Variants in ATF6 observed in about 807,000 individuals in gnomAD.
ATF6 encodes cyclic AMP-dependent transcription factor ATF-6 alpha.
A neutral mutation model predicts 83.6 loss-of-function variants in ATF6; 53 were observed. The observed-to-expected ratio is 0.63, with a 90% CI of 0.51 to 0.80. ATF6 has a LOEUF of 0.80. ATF6 is among the 30% of genes least tolerant of loss of function. The probability of loss-of-function intolerance (pLI) is 0.00; values close to 1 mark genes in which losing one functional copy is unlikely to be tolerated. For synonymous variants in ATF6, 288 were observed against 285.8 expected (o/e 1.01, Z -0.08); for missense variants, 744 against 797.9 (o/e 0.93, Z 0.81).
intron 6 of ATF6, among the ~76,000 whole-genome samples, chr1:161,797,023 T>G (rs1339894411): frequency 3.3e-5 from 5 of 152,214 alleles, no homozygotes; most frequent in Admixed American, 2.6e-4. Flanking sequence ...ATATGCTATT[T>G]ACTTTATGTG....
chr1:161,847,759 A>G (rs1571185772), intron 10 of ATF6, among the ~76,000 whole-genome samples: 2 of 152,288 alleles, frequency 1.3e-5, no homozygotes, highest in East Asian at 3.9e-4. Flanking sequence ...ATCAAAAATT[A>G]AATTTAAATC....
intron 3 of ATF6, among the ~76,000 whole-genome samples, chr1:161,783,274 G>A (rs1246603288): frequency 2.0e-5 from 3 of 152,018 alleles, no homozygotes; most frequent in Non-Finnish European, 2.9e-5. Flanking sequence ...AGGGGAAATC[G>A]ACTCTACTTC....
Position 161,770,233 on chromosome 1 carries a change from A to G in ATF6, c.82+3791A>G, listed in dbSNP as rs981923240. 1.4e-4 allele frequency among the ~76,000 whole-genome samples: 22 copies of G among 152,130 alleles called. 1 individual carries two copies. Among genetic ancestry groups the G allele is most frequent in the Admixed American group, 1.3e-3 (20 of 15,270 alleles). On this transcript the variant is annotated intron_variant, in intron 1 of 15. Transcript: ENST00000367942. ...AGCAATATGCACTTAAGGTCCCTCC[A>G]TGTCTTTTCATGGCTTGATAGCTCA...
chr1:161,813,531 A>G (rs184151702), intron 7 of ATF6, among the ~76,000 whole-genome samples: 4 of 152,288 alleles, frequency 2.6e-5, no homozygotes, highest in Non-Finnish European at 5.9e-5. Flanking sequence ...CTTATACTCA[A>G]TCTCATGAAA....
At chr1:161,885,896 G>T (rs1255544184) in intron 14 of ATF6, among the ~76,000 whole-genome samples, 1 of 152,176 alleles carries the variant, frequency 6.6e-6, no homozygotes. Context: ...AGAATACTGA[G>T]ATTATAAATA....
intron 13 of ATF6, 132 bp downstream of exon 13, chr1:161,860,409 GATAT>G: frequency 1.2e-5 from 3 of 260,282 alleles, no homozygotes; most frequent in East Asian, 7.3e-5. Flanking sequence ...TATACTCTAA[GATAT>G]ATATATATAT....
intron 15 of ATF6, among the ~76,000 whole-genome samples, chr1:161,913,158 T>C (rs933706635): frequency 1.6e-4 from 24 of 152,150 alleles, no homozygotes; most frequent in Non-Finnish European, 2.9e-5. Flanking sequence ...ATATTGAAAA[T>C]CGGAGAGTTG....
intron 9 of ATF6, among the ~76,000 whole-genome samples, chr1:161,836,844 C>T (rs764382888): frequency 2.6e-5 from 4 of 152,164 alleles, no homozygotes; most frequent in Non-Finnish European, 4.4e-5. Context: ...AAACCAGAAA[C>T]CTACATCCCT....
chr1:161,792,778 C>G (rs532305419), intron 6 of ATF6, among the ~76,000 whole-genome samples: 66 of 152,226 alleles, frequency 4.3e-4, no homozygotes, highest in African/African-American at 1.6e-3. Flanking sequence ...GTATATTGAC[C>G]TGGTCATGAG....
In ATF6 at chr1:161,830,263, G is replaced by A. The variant is rs140089518; in HGVS notation, c.1187+9102G>A. On this transcript the variant is annotated intron_variant, in intron 9 of 15. Coordinates refer to ENST00000367942, the MANE Select transcript of ATF6 (RefSeq NM_007348.4). ...AAGGGATGTGAAGGACCTCTTCAAG[G>A]ACAACTACAAACCACTGCTCAATGA... is the stretch of plus-strand genomic sequence containing the variant. Among the ~76,000 whole-genome samples the A allele has an allele frequency of 7.1e-3, 1,079 of 152,194 alleles. 5 individuals are homozygous for A. The highest frequency in any genetic ancestry group is 9.3e-3 in the Non-Finnish European group (633 of 68,000).
intron 15 of ATF6, among the ~76,000 whole-genome samples, chr1:161,954,256 C>T (rs1338878536): frequency 6.6e-6 from 1 of 152,138 alleles, no homozygotes; most frequent in Non-Finnish European, 1.5e-5. Context: ...TCCCGCCTCC[C>T]TTGTTTTTCT....
chr1:161,852,351 T>TA (rs1686651676), intron 11 of ATF6, among the ~76,000 whole-genome samples: 1 of 152,288 alleles, frequency 6.6e-6, no homozygotes, highest in Admixed American at 6.5e-5. Context: ...ACAGCTGCTG[T>TA]AAAAAGTAAG....
chr1:161,960,070 CTT>C lies in ATF6; in HGVS notation c.*1419_*1420del, dbSNP rs907560429. On this transcript the variant is annotated 3_prime_UTR_variant, in exon 16 of 16. Coordinates refer to ENST00000367942, the MANE Select transcript of ATF6 (RefSeq NM_007348.4). ...CGAAAAGATAGTGAAGGAATTAAAT[CTT>C]TTGTCCTCCCATGGTTAAAAAAAAA... 15 of 134,900 alleles carry C rather than the reference CTT, an allele frequency of 1.1e-4. No homozygotes were observed. Among genetic ancestry groups the C allele is most frequent in the African/African-American group, 4.0e-4 (14 of 34,696 alleles). 8.4% of individuals were successfully genotyped at this position (134,900 alleles called of 1,614,324 possible).
At chr1:161,861,256 G>C (rs1489851784) in intron 13 of ATF6, among the ~76,000 whole-genome samples, 1 of 152,062 alleles carries the variant, frequency 6.6e-6, no homozygotes, top group Non-Finnish European at 1.5e-5. Flanking sequence ...CATTTACTTA[G>C]AATATACTGT....
intron 10 of ATF6, among the ~76,000 whole-genome samples, 185 bp downstream of exon 10, chr1:161,846,765 C>T (rs1453600828): frequency 2.0e-5 from 3 of 151,858 alleles, no homozygotes; most frequent in South Asian, 2.1e-4. Context: ...ACTTTGAAAC[C>T]TTTTGTAGTT....
intron 9 of ATF6, among the ~76,000 whole-genome samples, chr1:161,824,456 T>C (rs528247297): frequency 6.6e-6 from 1 of 151,928 alleles, no homozygotes; most frequent in East Asian, 1.9e-4. Flanking sequence ...TAAATGTCTA[T>C]CCCAGCTCCT....
At chr1:161,776,072 C>T (rs116130455) in intron 1 of ATF6, among the ~76,000 whole-genome samples, 218 of 152,110 alleles carry the variant, frequency 1.4e-3, no homozygotes, top group African/African-American at 4.7e-3. Flanking sequence ...TTTAGTCTCC[C>T]GACTCTTTCC....
chr1:161,796,375 G>A (rs891418073), intron 6 of ATF6, among the ~76,000 whole-genome samples: 37 of 152,098 alleles, frequency 2.4e-4, no homozygotes, highest in Non-Finnish European at 2.9e-5. Context: ...TAAACTCAGA[G>A]GATGTAGAAC....
chr1:161,851,233 AACACACACACAC>A lies in ATF6; in HGVS notation c.1320-458_1320-447del, dbSNP rs60202873. On this transcript the variant is annotated intron_variant, in intron 10 of 15. Coordinates refer to ENST00000367942, the MANE Select transcript of ATF6 (RefSeq NM_007348.4). ...TAGAATTGTGTCTCACCCTATCCTT[AACACACACACAC>A]ACACACACACACACACACACACACA... Among the ~76,000 whole-genome samples the A allele has an allele frequency of 4.1e-3, 312 of 75,484 alleles. 3 individuals are homozygous for A. Among genetic ancestry groups the A allele is most frequent in the African/African-American group, 9.3e-3 (285 of 30,626 alleles). 49.5% of individuals were successfully genotyped at this position (75,484 alleles called of 152,430 possible).
Sources: allele counts gnomAD v4.1 joint callset (sites outside exome capture counted in the v4.1 genomes callset), GRCh38; gene constraint gnomAD v4.1.1; transcripts MANE v1.5; gene names NCBI Gene and HGNC (gene_info 2026-07-23, HGNC 2026-07-21).